The following SLC8A1 variants were observed in gnomAD, a reference collection of about 807,000 sequenced individuals.
The protein encoded by SLC8A1 is solute carrier family 8 member A1.
SLC8A1 carries 18 observed loss-of-function variants against 68.3 expected under a neutral mutation model. The observed-to-expected ratio is 0.26, with a 90% CI of 0.18 to 0.39. The LOEUF (loss-of-function observed/expected upper bound fraction) is 0.39, where lower values mean the gene tolerates loss of function less well. Ranked by LOEUF, SLC8A1 falls within the 10% of genes least tolerant of loss-of-function variation. SLC8A1 has a pLI of 1.00. For synonymous variants in SLC8A1, 475 were observed against 415.5 expected (o/e 1.14, Z -1.74); for missense variants, 985 against 1,156.7 (o/e 0.85, Z 2.15).
At chr2:40,240,109 G>A (rs896096018) in intron 2 of SLC8A1, among the ~76,000 whole-genome samples, 1 of 152,168 alleles carries the variant, frequency 6.6e-6, no homozygotes, top group Non-Finnish European at 1.5e-5. Context: ...TGGGACTCCA[G>A]TATATCATTT....
intron 2 of SLC8A1, among the ~76,000 whole-genome samples, chr2:40,212,263 A>G (rs1421567926): frequency 6.7e-6 from 1 of 150,220 alleles, no homozygotes; most frequent in Non-Finnish European, 1.5e-5. Context: ...TCCAGGTGCT[A>G]AACAGAAGAG....
intron 2 of SLC8A1, among the ~76,000 whole-genome samples, chr2:40,197,967 G>A (rs1183990768): frequency 6.6e-6 from 1 of 151,862 alleles, no homozygotes; most frequent in Non-Finnish European, 1.5e-5. Flanking sequence ...CACATCTTTA[G>A]TTCTGGCAGC....
chr2:40,351,318 C>T (rs1671012547), intron 2 of SLC8A1, among the ~76,000 whole-genome samples: 1 of 152,110 alleles, frequency 6.6e-6, no homozygotes, highest in Non-Finnish European at 1.5e-5. Flanking sequence ...TGACACCTCA[C>T]CTCTTCCACT....
At chr2:40,451,739 A>T (rs77122072) in intron 1 of SLC8A1, among the ~76,000 whole-genome samples, 165 bp downstream of exon 1, 34 of 38,074 alleles carry the variant, frequency 8.9e-4, no homozygotes, top group East Asian at 8.3e-3. Context: ...ACACCACATC[A>T]CACACACACA....
At chr2:40,139,754 A>G (rs550890871) in intron 6 of SLC8A1, 78 bp from the exon 10 acceptor site, 3 of 1,492,884 alleles carry the variant, frequency 2.0e-6, no homozygotes, top group South Asian at 2.6e-5. Flanking sequence ...TCTCCTATCT[A>G]GGTCGGTCAT....
rs549448122 is a variant in SLC8A1 at position 40,368,310 on chromosome 2, G to A, written c.1808+60163C>T. ...TAATATCATAAAAGATTTTCCCAAC[G>A]CTTTTGCAAAAATTAAATTTTTAAA... On this transcript the variant is annotated intron_variant, in intron 2 of 7. Coordinates refer to ENST00000406785, the Ensembl canonical transcript of SLC8A1. 7.2e-5 allele frequency among the ~76,000 whole-genome samples: 11 copies of A among 151,924 alleles called. No individual in the cohort carries two copies. In the South Asian group the frequency reaches 1.0e-3, roughly 14 times the overall value.
intron 1 of SLC8A1, among the ~76,000 whole-genome samples, chr2:40,439,819 G>C (rs945955068): frequency 6.6e-6 from 1 of 152,100 alleles, no homozygotes; most frequent in Non-Finnish European, 1.5e-5. Flanking sequence ...GAAGTAAAAA[G>C]AAACATATTT....
intron 6 of SLC8A1, among the ~76,000 whole-genome samples, chr2:40,145,281 A>G (rs2042246942): frequency 6.6e-6 from 1 of 152,144 alleles, no homozygotes; most frequent in Non-Finnish European, 1.5e-5. Flanking sequence ...TTAAGGTTGA[A>G]TCATAAGGAA....
At chr2:40,196,545 A>G (rs2053068755) in intron 2 of SLC8A1, among the ~76,000 whole-genome samples, 1 of 152,008 alleles carries the variant, frequency 6.6e-6, no homozygotes, top group Non-Finnish European at 1.5e-5. Context: ...GAGCCTCTGC[A>G]TGCGTAGATG....
chr2:40,126,069 G>A (rs1213150327), intron 7 of SLC8A1, among the ~76,000 whole-genome samples: 5 of 152,146 alleles, frequency 3.3e-5, no homozygotes, highest in Non-Finnish European at 7.3e-5. Context: ...AGATGAATGT[G>A]AGGGCACGAG....
At chr2:40,116,399 G>C (rs985281313) in intron 7 of SLC8A1, among the ~76,000 whole-genome samples, 1 of 152,032 alleles carries the variant, frequency 6.6e-6, no homozygotes, top group African/African-American at 2.4e-5. Flanking sequence ...TGCCATGCTG[G>C]TGTGCTGCAC....
chr2:40,195,946 A>G (rs1266924025), intron 2 of SLC8A1: 1 of 152,014 alleles, frequency 6.6e-6, no homozygotes, highest in African/African-American at 2.4e-5. Context: ...AGTGTAAAAG[A>G]GTAAAGGGAG....
chr2:40,122,236 GCACA>G (rs56977522), intron 7 of SLC8A1, among the ~76,000 whole-genome samples: 17 of 149,494 alleles, frequency 1.1e-4, no homozygotes, highest in African/African-American at 2.7e-4. Context: ...GTGTGCGCGC[GCACA>G]CACACACACA....
At chr2:40,494,808 G>A (rs979903692) in intron 1 of SLC8A1, among the ~76,000 whole-genome samples, 5 of 151,310 alleles carry the variant, frequency 3.3e-5, no homozygotes, top group Non-Finnish European at 7.4e-5. Context: ...TTTGAAGCAA[G>A]TGCTTCTACC....
chr2:40,439,079 T>C (rs949042467), intron 1 of SLC8A1, among the ~76,000 whole-genome samples: 2 of 151,924 alleles, frequency 1.3e-5, no homozygotes, highest in Non-Finnish European at 2.9e-5. Flanking sequence ...AGCCCCGTAG[T>C]GAATATGTGT....
exon 1 of SLC8A1, chr2:40,451,913 G>A (rs1010346301): frequency 1.3e-5 from 2 of 152,252 alleles, no homozygotes; most frequent in African/African-American, 4.8e-5. Context: ...CCTGGTTTGG[G>A]GAGTGTGAAT....
At chr2:40,159,708 C>T (rs1221669198) in intron 6 of SLC8A1, among the ~76,000 whole-genome samples, 4 of 152,254 alleles carry the variant, frequency 2.6e-5, no homozygotes, top group Admixed American at 1.3e-4. Context: ...TGAGCAGTTA[C>T]CCACCATTTA....
intron 2 of SLC8A1, among the ~76,000 whole-genome samples, chr2:40,207,038 A>C (rs1379306090): frequency 6.6e-6 from 1 of 152,114 alleles, no homozygotes; most frequent in Non-Finnish European, 1.5e-5. Context: ...AAGAATGATA[A>C]GATAAAAATC....
At chr2:40,113,845 T>C (rs1235322355) in exon 8 of SLC8A1, 1 of 152,764 alleles carries the variant, frequency 6.5e-6, no homozygotes, top group East Asian at 1.9e-4. Flanking sequence ...TAGAGGCCTC[T>C]GATGTGTTCC....
Sources: allele counts gnomAD v4.1 joint callset (sites outside exome capture counted in the v4.1 genomes callset), GRCh38; gene constraint gnomAD v4.1.1; transcripts MANE v1.5; gene names NCBI Gene and HGNC (gene_info 2026-07-23, HGNC 2026-07-21).